ASTN1: variants seen among roughly 807,000 people sequenced by gnomAD.
ASTN1 encodes the protein astrotactin 1, also known as astrotactin-1.
A neutral mutation model predicts 140.7 loss-of-function variants in ASTN1; 41 were observed. The observed-to-expected ratio is 0.29, with a 90% CI of 0.23 to 0.38. ASTN1 has a LOEUF of 0.38. Ranked by LOEUF, ASTN1 falls within the 10% of genes least tolerant of loss-of-function variation. The pLI is 1.00. For missense variants in ASTN1, 1,479 were observed against 1,678.8 expected, an observed-to-expected ratio of 0.88 and a Z score of 2.08; for synonymous variants, 640 against 652.2, an observed-to-expected ratio of 0.98 and a Z score of 0.29.
At chr1:177,033,326 A>G (rs1412958102) in intron 2 of ASTN1, among the ~76,000 whole-genome samples, 2 of 152,196 alleles carry the variant, frequency 1.3e-5, no homozygotes, top group Non-Finnish European at 2.9e-5. Flanking sequence ...TGGTTCCACC[A>G]ATTATCAGTG....
chr1:177,037,764 T>C (rs1676791267), intron 2 of ASTN1, among the ~76,000 whole-genome samples: 2 of 152,198 alleles, frequency 1.3e-5, no homozygotes, highest in African/African-American at 4.8e-5. Flanking sequence ...ACTGTTAACA[T>C]TTGGTAACTA....
At chr1:177,146,781 G>C (rs985142417) in intron 1 of ASTN1, among the ~76,000 whole-genome samples, 4 of 152,126 alleles carry the variant, frequency 2.6e-5, no homozygotes, top group Non-Finnish European at 5.9e-5. Flanking sequence ...AAAAATTTCA[G>C]CCAAATACTT....
At chr1:176,869,873 G>A (rs1668268475) in intron 21 of ASTN1, among the ~76,000 whole-genome samples, 1 of 152,226 alleles carries the variant, frequency 6.6e-6, no homozygotes, top group African/African-American at 2.4e-5. Context: ...GTGATGTGAA[G>A]AGTCTGGAGT....
intron 21 of ASTN1, among the ~76,000 whole-genome samples, chr1:176,872,728 C>T: frequency 6.6e-6 from 1 of 152,192 alleles, no homozygotes; most frequent in Non-Finnish European, 1.5e-5. Context: ...TCCCACTGTT[C>T]CTCCTTCCTC....
intron 16 of ASTN1, among the ~76,000 whole-genome samples, chr1:176,898,452 A>AT (rs1669622490): frequency 6.6e-6 from 1 of 152,098 alleles, no homozygotes; most frequent in Non-Finnish European, 1.5e-5. Flanking sequence ...TGTGAGGGAG[A>AT]TTTTTCAAAG....
intron 1 of ASTN1, among the ~76,000 whole-genome samples, chr1:177,158,610 C>T (rs1313112756): frequency 6.7e-6 from 1 of 150,244 alleles, no homozygotes; most frequent in African/African-American, 2.5e-5. Context: ...AAACTACTAG[C>T]CTTTTAAGTT....
intron 1 of ASTN1, among the ~76,000 whole-genome samples, chr1:177,093,431 T>G (rs1025147086): frequency 6.6e-6 from 1 of 152,158 alleles, no homozygotes; most frequent in Admixed American, 6.5e-5. Flanking sequence ...AAGAAGGAAA[T>G]AGTCTATTAC....
At chr1:176,953,732 AC>A (rs1672290499) in intron 11 of ASTN1, among the ~76,000 whole-genome samples, 1 of 152,136 alleles carries the variant, frequency 6.6e-6, no homozygotes, top group Non-Finnish European at 1.5e-5. Context: ...CGGCAGGGTC[AC>A]TGGGTAATTC....
Position 176,959,531 on chromosome 1 carries a change from A to T in ASTN1, c.1599-1049T>A, listed in dbSNP as rs562802544. ...CAGATCTTTTATTTAAAAAAAAAAA[A>T]TGTAGCCCTCTCCAGTAAGCTGGCC... On this transcript the variant is annotated intron_variant, in intron 9 of 22. Transcript: ENST00000361833. Among the ~76,000 whole-genome samples, 3 of 151,148 alleles carry T rather than the reference A, an allele frequency of 2.0e-5. No homozygotes were observed. In the South Asian group the frequency reaches 6.3e-4, roughly 32 times the overall value.
At chr1:177,020,290 G>A (rs1324160319) in intron 7 of ASTN1, among the ~76,000 whole-genome samples, 1 of 152,212 alleles carries the variant, frequency 6.6e-6, no homozygotes, top group East Asian at 1.9e-4. Context: ...TATCTTACCA[G>A]AAGTTTAACA....
At chr1:176,912,288 G>C (rs564612196) in intron 16 of ASTN1, among the ~76,000 whole-genome samples, 6 of 152,280 alleles carry the variant, frequency 3.9e-5, no homozygotes, top group African/African-American at 1.4e-4. Context: ...CTGTGCCTTT[G>C]TAGTGCAAAC....
At chr1:176,966,135 C>A (rs1207636770) in intron 8 of ASTN1, among the ~76,000 whole-genome samples, 2 of 152,182 alleles carry the variant, frequency 1.3e-5, no homozygotes, top group African/African-American at 4.8e-5. Flanking sequence ...GTGCAACTTA[C>A]AGTCTCATAA....
At chr1:176,908,737 T>A (rs4652205) in intron 16 of ASTN1, among the ~76,000 whole-genome samples, 1 of 152,082 alleles carries the variant, frequency 6.6e-6, no homozygotes, top group African/African-American at 2.4e-5. Flanking sequence ...TATGTAAGCT[T>A]TTGATGGTAG....
rs1273345051 is a variant in ASTN1 at position 176,862,629 on chromosome 1, A to G, written c.*1655T>C. 3.1e-6 allele frequency: 3 copies of G among 960,040 alleles called. No homozygotes were observed. In the African/African-American group the frequency reaches 5.3e-5, roughly 17 times the overall value. The allele number at this position is 960,040 out of a possible 1,614,324, so 59.5% of individuals were successfully genotyped here. ...ACCAACAGCCTGAAATCACACTGAA[A>G]CTCAGTGTGAGTTACAGTGCACAAG... is the stretch of plus-strand genomic sequence containing the variant. On this transcript the variant is annotated 3_prime_UTR_variant, in exon 23 of 23. Coordinates refer to ENST00000361833, the MANE Select transcript of ASTN1 (RefSeq NM_004319.3).
At chr1:177,026,366 C>T (rs1676110737) in intron 5 of ASTN1, among the ~76,000 whole-genome samples, 1 of 152,192 alleles carries the variant, frequency 6.6e-6, no homozygotes, top group African/African-American at 2.4e-5. Context: ...CCCTGCTCCT[C>T]CAACTACTTC....
downstream of ASTN1, among the ~76,000 whole-genome samples, chr1:176,859,496 G>T (rs1204897880): frequency 6.6e-6 from 1 of 152,148 alleles, no homozygotes; most frequent in African/African-American, 2.4e-5. Flanking sequence ...TTATTTAAAA[G>T]ACCCCTGGCC....
intron 8 of ASTN1, among the ~76,000 whole-genome samples, chr1:176,986,729 T>C (rs1357256406): frequency 6.6e-6 from 1 of 152,150 alleles, no homozygotes; most frequent in African/African-American, 2.4e-5. Flanking sequence ...GTGTCTCATT[T>C]CCTCCCATGT....
At chr1:177,132,819 G>A (rs558252041) in intron 1 of ASTN1, among the ~76,000 whole-genome samples, 1 of 152,290 alleles carries the variant, frequency 6.6e-6, no homozygotes, top group South Asian at 2.1e-4. Context: ...GTTCACTGAA[G>A]ACCTGAAATC....
chr1:176,920,354 C>T (rs987327442), intron 16 of ASTN1, among the ~76,000 whole-genome samples: 8 of 152,166 alleles, frequency 5.3e-5, no homozygotes, highest in Non-Finnish European at 1.2e-4. Context: ...CTATGAACAA[C>T]CCTTCACAAA....
Sources: allele counts gnomAD v4.1 joint callset (sites outside exome capture counted in the v4.1 genomes callset), GRCh38; gene constraint gnomAD v4.1.1; transcripts MANE v1.5; gene names NCBI Gene and HGNC (gene_info 2026-07-23, HGNC 2026-07-21).